Variants in IGSF10 observed in about 807,000 individuals in gnomAD.
IGSF10 encodes calvaria mechanical force protein 608.
A neutral mutation model predicts 128.2 loss-of-function variants in IGSF10; 126 were observed. The observed-to-expected ratio is 0.98, with a 90% CI of 0.85 to 1.14. IGSF10 has a LOEUF of 1.14. IGSF10 is among the 50% of genes most tolerant of loss of function. The pLI, the probability that IGSF10 is intolerant of heterozygous loss-of-function variation, is 0.00. For synonymous variants in IGSF10, 1,185 were observed against 1,146.2 expected (o/e 1.03, Z -0.68); for missense variants, 3,295 against 3,149.8 (o/e 1.05, Z -1.10).
In IGSF10 at chr3:151,446,976, A is replaced by T; in HGVS notation, c.3005T>A (p.Val1002Asp). The change falls in exon 6 of 8, where the codon GTT becomes GAT. Residue 1002 changes from valine to aspartate, a missense_variant. Coordinates refer to ENST00000282466, the MANE Select transcript of IGSF10 (RefSeq NM_178822.5). ...SQFPIPRNST[V>D]NIPLFRRFGR... is the part of the protein sequence containing the mutation. ...AAAGCGTCTGAACAGCGGGATGTTA[A>T]CTGTACTATTTCTAGGGATCGGAAA... is the stretch of plus-strand genomic sequence containing the variant. The T allele has an allele frequency of 6.2e-7, 1 of 1,614,212 alleles. No homozygotes were observed. Among genetic ancestry groups the T allele is most frequent in the East Asian group, 2.2e-5 (1 of 44,892 alleles).
the IGSF10 span, among the ~76,000 whole-genome samples, chr3:151,568,438 G>A: frequency 6.6e-6 from 1 of 151,954 alleles, no homozygotes; most frequent in East Asian, 1.9e-4. Context: ...CTTTAAATGG[G>A]GTCTGGGACA....
At chr3:151,453,848 C>G (rs1721643701) in intron 4 of IGSF10, 74 bp from the exon 5 acceptor site, 14 of 888,562 alleles carry the variant, frequency 1.6e-5, no homozygotes, top group Middle Eastern at 2.6e-4. Context: ...CTATCAATAA[C>G]AAAACTTATG....
the IGSF10 span, among the ~76,000 whole-genome samples, chr3:151,507,385 TAG>T: frequency 6.6e-6 from 1 of 152,178 alleles, no homozygotes; most frequent in African/African-American, 2.4e-5. Context: ...TTTAAAATCT[TAG>T]AGTCATGTTA....
the IGSF10 span, among the ~76,000 whole-genome samples, chr3:151,618,655 A>G: frequency 2.6e-5 from 4 of 151,884 alleles, no homozygotes; most frequent in South Asian, 2.1e-4. Flanking sequence ...GCGTGAACCC[A>G]GGAGGCGGAG....
At chr3:151,574,733 G>A in the IGSF10 span, among the ~76,000 whole-genome samples, 5 of 152,304 alleles carry the variant, frequency 3.3e-5, no homozygotes, top group African/African-American at 9.6e-5. Flanking sequence ...GCTCGTCAAA[G>A]TCATTCCCTG....
chr3:151,494,149 C>G, the IGSF10 span, among the ~76,000 whole-genome samples: 32 of 151,944 alleles, frequency 2.1e-4, no homozygotes, highest in African/African-American at 7.7e-4. Context: ...CTCCAAAATA[C>G]CTTTTAAAAT....
At position 151,436,604 on chromosome 3, in the gene IGSF10, C is replaced by T. The variant is rs756305118; in HGVS notation, c.*85G>A. 3.3e-6 allele frequency: 3 copies of T among 908,456 alleles called. No individual in the cohort carries two copies. The highest frequency in any genetic ancestry group is 5.1e-6 in the Non-Finnish European group (3 of 587,530). 56.3% of individuals were successfully genotyped at this position (908,456 alleles called of 1,614,324 possible). A position where few individuals can be genotyped will look rare whatever the true frequency, so the allele number is the denominator to read the frequency against. Reference sequence around the variant, plus strand: ...TTAATACTGTAAATGTATTCAAATTCATTTACATGCCTATGGCTGCCTTTG... The same window carrying T: ...TTAATACTGTAAATGTATTCAAATTTATTTACATGCCTATGGCTGCCTTTG... On this transcript the variant is annotated 3_prime_UTR_variant, in exon 8 of 8. Coordinates refer to ENST00000282466, the MANE Select transcript of IGSF10 (RefSeq NM_178822.5).
the IGSF10 span, among the ~76,000 whole-genome samples, chr3:151,489,868 G>A: frequency 3.9e-5 from 6 of 152,060 alleles, no homozygotes; most frequent in Admixed American, 3.3e-4. Context: ...AATACTTAAT[G>A]TAGATGATGG....
chr3:151,489,031 A>C, the IGSF10 span, among the ~76,000 whole-genome samples: 3 of 152,254 alleles, frequency 2.0e-5, no homozygotes, highest in African/African-American at 7.2e-5. Flanking sequence ...ATCAGAATGA[A>C]CAAGCAACCT....
chr3:151,617,320 C>CTCCTCCTCCT, the IGSF10 span, among the ~76,000 whole-genome samples: 15 of 83,624 alleles, frequency 1.8e-4, 1 homozygote, highest in Middle Eastern at 6.3e-3. Flanking sequence ...CTTCTTCTTC[C>CTCCTCCTCCT]CCTCCTCCTC....
At chr3:151,470,861 C>T in the IGSF10 span, among the ~76,000 whole-genome samples, 2 of 152,078 alleles carry the variant, frequency 1.3e-5, no homozygotes, top group Non-Finnish European at 2.9e-5. Context: ...CCAACCAAAC[C>T]CGCATTTTTC....
chr3:151,459,945 T>C (rs545097819), intron 2 of IGSF10, among the ~76,000 whole-genome samples: 1 of 152,346 alleles, frequency 6.6e-6, no homozygotes, highest in South Asian at 2.1e-4. Flanking sequence ...GGATGTATTA[T>C]TATAATTTAG....
At chr3:151,495,235 C>T in the IGSF10 span, among the ~76,000 whole-genome samples, 1 of 152,124 alleles carries the variant, frequency 6.6e-6, no homozygotes, top group Non-Finnish European at 1.5e-5. Context: ...GCAACCTGGG[C>T]AATTTAGAAA....
At chr3:151,562,531 T>C in the IGSF10 span, among the ~76,000 whole-genome samples, 1 of 152,074 alleles carries the variant, frequency 6.6e-6, no homozygotes, top group East Asian at 1.9e-4. Flanking sequence ...GGTAACAGTT[T>C]TACTCTAGTA....
the IGSF10 span, among the ~76,000 whole-genome samples, chr3:151,539,239 C>CA: frequency 6.6e-6 from 1 of 152,182 alleles, no homozygotes; most frequent in Non-Finnish European, 1.5e-5. Context: ...GACAAACGCT[C>CA]TGCTTCCCAC....
the IGSF10 span, among the ~76,000 whole-genome samples, chr3:151,532,883 GTC>G: frequency 6.6e-6 from 1 of 152,128 alleles, no homozygotes; most frequent in South Asian, 2.1e-4. Flanking sequence ...AAGTCAAATT[GTC>G]TCTATTTGCA....
the IGSF10 span, among the ~76,000 whole-genome samples, chr3:151,615,708 TGAGCTTTAAGGGAGTGATTAAATA>T: frequency 4.6e-5 from 7 of 152,306 alleles, 1 homozygote; most frequent in South Asian, 1.0e-3. Context: ...ATAAAAATTA[TGAGCTTTAAGGGAGTGATTAAATA>T]GAGCTTTAAG....
the IGSF10 span, among the ~76,000 whole-genome samples, chr3:151,605,849 G>A: frequency 1.3e-5 from 2 of 152,134 alleles, no homozygotes; most frequent in African/African-American, 4.8e-5. Flanking sequence ...CTATTGTAGT[G>A]GTTTCCAAAG....
rs781249731 is a variant in IGSF10 at position 151,437,372 on chromosome 3, T to TAAAAG, written c.7184_7188dup (p.Ile2397LeufsTer29). 3.1e-6 allele frequency: 5 copies of TAAAAG among 1,614,080 alleles called. No individual in the cohort carries two copies. In the East Asian group the frequency reaches 8.9e-5, roughly 29 times the overall value. ...TCCTCCCGAGTTGTTTTAGAAATGA[T>TAAAAG]AAAAGAACCATTGCTTGCTATCAGA... On this transcript the variant is annotated frameshift_variant, in exon 8 of 8. Coordinates refer to ENST00000282466, the MANE Select transcript of IGSF10 (RefSeq NM_178822.5). LOFTEE classifies it low-confidence loss of function (END_TRUNC).
Sources: allele counts gnomAD v4.1 joint callset (sites outside exome capture counted in the v4.1 genomes callset), GRCh38; gene constraint gnomAD v4.1.1; transcripts MANE v1.5; gene names NCBI Gene and HGNC (gene_info 2026-07-23, HGNC 2026-07-21).